TFDP2: variants seen among roughly 807,000 people sequenced by gnomAD.
TFDP2 encodes the protein transcription factor Dp-2, also known as transcription factor Dp-2 (E2F dimerization partner 2).
Under a neutral mutation model 59.3 loss-of-function variants are expected in TFDP2, and 17 were observed. The observed-to-expected ratio is 0.29, with a 90% CI of 0.20 to 0.43. TFDP2 has a LOEUF of 0.43. TFDP2 is among the 20% of genes least tolerant of loss of function. TFDP2 has a pLI of 1.00. For missense variants in TFDP2, 391 were observed against 528.8 expected, an observed-to-expected ratio of 0.74 and a Z score of 2.56; for synonymous variants, 180 against 194.7, an observed-to-expected ratio of 0.92 and a Z score of 0.63.
chr3:142,085,483 G>T (rs1198521048), intron 3 of TFDP2, among the ~76,000 whole-genome samples: 1 of 151,872 alleles, frequency 6.6e-6, no homozygotes, highest in Non-Finnish European at 1.5e-5. Context: ...TTATTTTTAA[G>T]CTGCACATAA....
chr3:141,969,066 AT>A (rs1475231678), intron 9 of TFDP2, among the ~76,000 whole-genome samples: 1 of 70,298 alleles, frequency 1.4e-5, no homozygotes, highest in Non-Finnish European at 2.7e-5. Flanking sequence ...TATATATCTC[AT>A]ATATATGAGA....
At chr3:142,022,285 C>A (rs1373111530) in intron 3 of TFDP2, among the ~76,000 whole-genome samples, 1 of 152,096 alleles carries the variant, frequency 6.6e-6, no homozygotes, top group Non-Finnish European at 1.5e-5. Flanking sequence ...TTTTTAAGTG[C>A]CTCAGATGAT....
chr3:142,137,516 G>T (rs1437980592), intron 1 of TFDP2, among the ~76,000 whole-genome samples: 1 of 152,108 alleles, frequency 6.6e-6, no homozygotes, highest in Non-Finnish European at 1.5e-5. Context: ...TTGGCTGTGG[G>T]TTTGTCATAA....
intron 3 of TFDP2, among the ~76,000 whole-genome samples, chr3:142,035,833 A>G (rs907793384): frequency 1.3e-5 from 2 of 152,228 alleles, no homozygotes; most frequent in Non-Finnish European, 2.9e-5. Flanking sequence ...CTTGCCTTCC[A>G]GCATGATTGT....
intron 5 of TFDP2, 97 bp downstream of exon 5, chr3:141,994,923 G>A (rs1943122145): frequency 9.2e-7 from 1 of 1,086,238 alleles, no homozygotes; most frequent in South Asian, 2.8e-5. Flanking sequence ...TTGTTTTTAA[G>A]AACTAAACTA....
chr3:142,097,353 A>T (rs1461867427), intron 2 of TFDP2, among the ~76,000 whole-genome samples: 1 of 152,234 alleles, frequency 6.6e-6, no homozygotes, highest in Non-Finnish European at 1.5e-5. Flanking sequence ...CTTAATGGTC[A>T]ATATTAGGAA....
intron 6 of TFDP2, among the ~76,000 whole-genome samples, chr3:141,985,555 T>A (rs1368918748): frequency 1.3e-5 from 2 of 151,502 alleles, no homozygotes; most frequent in African/African-American, 4.8e-5. Flanking sequence ...ACCTATTTTT[T>A]CTTCATAGAT....
chr3:141,965,114 T>C (rs777630066), intron 9 of TFDP2, among the ~76,000 whole-genome samples: 21 of 151,992 alleles, frequency 1.4e-4, no homozygotes, highest in South Asian at 6.2e-4. Flanking sequence ...AAATGTACGA[T>C]AGAATTTCAC....
At chr3:142,113,293 T>G (rs1485901221) in intron 1 of TFDP2, among the ~76,000 whole-genome samples, 1 of 151,772 alleles carries the variant, frequency 6.6e-6, no homozygotes, top group Non-Finnish European at 1.5e-5. Context: ...GGAATCTCGC[T>G]CTGTCACCAG....
chr3:142,119,383 A>G (rs2061959064), intron 1 of TFDP2, among the ~76,000 whole-genome samples: 1 of 152,216 alleles, frequency 6.6e-6, no homozygotes, highest in Admixed American at 6.5e-5. Flanking sequence ...TTTCTCAAAA[A>G]TAACATACAA....
At chr3:141,995,688 A>G (rs1216811666) in intron 4 of TFDP2, among the ~76,000 whole-genome samples, 2 of 152,112 alleles carry the variant, frequency 1.3e-5, no homozygotes, top group Non-Finnish European at 2.9e-5. Flanking sequence ...GTTCAAGACC[A>G]GCCTGGCCAA....
chr3:141,982,558 G>C (rs1044414038), intron 6 of TFDP2, among the ~76,000 whole-genome samples: 22 of 152,052 alleles, frequency 1.4e-4, no homozygotes, highest in African/African-American at 4.8e-4. Context: ...AGTGAAGCAG[G>C]GTTGTTTTTC....
At chr3:141,986,859 T>C (rs1172078660) in intron 6 of TFDP2, among the ~76,000 whole-genome samples, 8 of 152,208 alleles carry the variant, frequency 5.3e-5, no homozygotes, top group Non-Finnish European at 1.0e-4. Context: ...AAAGTGGTAT[T>C]GCACTGTGGT....
intron 1 of TFDP2, among the ~76,000 whole-genome samples, chr3:142,122,963 G>GTT (rs572896588): frequency 1.4e-4 from 21 of 146,846 alleles, no homozygotes; most frequent in South Asian, 2.1e-4. Context: ...TTTATATAAA[G>GTT]TTTTTTTTTT....
At chr3:142,012,144 C>G (rs1376191831) in intron 3 of TFDP2, among the ~76,000 whole-genome samples, 1 of 151,696 alleles carries the variant, frequency 6.6e-6, no homozygotes, top group Non-Finnish European at 1.5e-5. Flanking sequence ...TCCCAAGTAG[C>G]TGGGACTACA....
intron 3 of TFDP2, among the ~76,000 whole-genome samples, chr3:142,057,798 T>G (rs2059791892): frequency 6.6e-6 from 1 of 152,228 alleles, no homozygotes; most frequent in Admixed American, 6.5e-5. Flanking sequence ...AGGGAGACGC[T>G]AGAAGTTTTC....
intron 1 of TFDP2, among the ~76,000 whole-genome samples, chr3:142,123,532 T>C (rs1337578678): frequency 6.6e-6 from 1 of 151,800 alleles, no homozygotes; most frequent in Non-Finnish European, 1.5e-5. Flanking sequence ...CCTCCCAAAG[T>C]GCTGGGATAA....
At chr3:142,115,561 G>A (rs1424800494) in intron 1 of TFDP2, among the ~76,000 whole-genome samples, 3 of 152,094 alleles carry the variant, frequency 2.0e-5, no homozygotes, top group East Asian at 1.9e-4. Flanking sequence ...CTCGTGATCC[G>A]CCGGCCTCGG....
intron 3 of TFDP2, among the ~76,000 whole-genome samples, chr3:142,088,420 T>C (rs1201415947): frequency 6.7e-6 from 1 of 150,314 alleles, no homozygotes; most frequent in Non-Finnish European, 1.5e-5. Context: ...AACCTCCACC[T>C]CCCGGGTTCA....
Sources: allele counts gnomAD v4.1 joint callset (sites outside exome capture counted in the v4.1 genomes callset), GRCh38; gene constraint gnomAD v4.1.1; transcripts MANE v1.5; gene names NCBI Gene and HGNC (gene_info 2026-07-23, HGNC 2026-07-21).